The following PLEKHD1 variants were observed in gnomAD, a reference collection of about 807,000 sequenced individuals.
The protein encoded by PLEKHD1 is pleckstrin homology domain-containing family D member 1.
PLEKHD1 carries 51 observed loss-of-function variants against 69.2 expected under a neutral mutation model. The observed-to-expected ratio is 0.74, with a 90% CI of 0.59 to 0.93. The LOEUF (loss-of-function observed/expected upper bound fraction) is 0.93. Ranked by LOEUF, PLEKHD1 falls within the 40% of genes least tolerant of loss-of-function variation. The probability of loss-of-function intolerance (pLI) is 0.00; values close to 1 mark genes in which losing one functional copy is unlikely to be tolerated. For missense variants in PLEKHD1, 584 were observed against 641.0 expected (o/e 0.91, Z 0.96); for synonymous variants, 236 against 244.7 (o/e 0.96, Z 0.33).
chr14:69,474,739 C>T, the PLEKHD1 span, among the ~76,000 whole-genome samples: 25,803 of 152,116 alleles, frequency 0.17, 2,339 homozygotes, highest in South Asian at 0.24. Context: ...TTTGCTCCAC[C>T]GGGTGTGCGG....
At chr14:69,469,803 C>G in the PLEKHD1 span, among the ~76,000 whole-genome samples, 1 of 152,030 alleles carries the variant, frequency 6.6e-6, no homozygotes, top group East Asian at 1.9e-4. Flanking sequence ...CTCACTGCAA[C>G]CTCCGCCTCC....
At chr14:69,469,467 T>C in the PLEKHD1 span, among the ~76,000 whole-genome samples, 1 of 152,042 alleles carries the variant, frequency 6.6e-6, no homozygotes, top group Non-Finnish European at 1.5e-5. Context: ...TGGAGTGAAG[T>C]GGCAAGATCA....
At chr14:69,473,825 A>G in the PLEKHD1 span, among the ~76,000 whole-genome samples, 8 of 152,136 alleles carry the variant, frequency 5.3e-5, no homozygotes, top group African/African-American at 1.9e-4. Context: ...TATGTCTGGA[A>G]TGCTCTTGAG....
At chr14:69,480,408 A>G (rs1882520850), upstream of PLEKHD1, among the ~76,000 whole-genome samples, 1 of 152,224 alleles carries the variant, frequency 6.6e-6, no homozygotes, top group Non-Finnish European at 1.5e-5. Flanking sequence ...CACTTGGCAC[A>G]AGCCTGGAAA....
chr14:69,528,051 C>T, intron 12 of PLEKHD1, 119 bp downstream of exon 12: 4 of 1,494,548 alleles, frequency 2.7e-6, no homozygotes, highest in Non-Finnish European at 3.6e-6. Flanking sequence ...TGAACCTGGC[C>T]CCACCATCCT....
intron 6 of PLEKHD1, among the ~76,000 whole-genome samples, chr14:69,514,062 TGGTTTGTTTA>T (rs1883328615): frequency 1.3e-5 from 2 of 152,158 alleles, no homozygotes; most frequent in African/African-American, 2.4e-5. Flanking sequence ...TTTCTAGATA[TGGTTTGTTTA>T]GGGCATTTAT....
intron 6 of PLEKHD1, among the ~76,000 whole-genome samples, chr14:69,504,988 G>T (rs1441810573): frequency 1.3e-5 from 2 of 152,242 alleles, no homozygotes; most frequent in Non-Finnish European, 2.9e-5. Context: ...TTATCCATCA[G>T]AGAGGCTAAA....
At position 69,500,628 on chromosome 14, in the gene PLEKHD1, A is replaced by C; in HGVS notation, c.295A>C (p.Met99Leu). 6.4e-7 allele frequency: 1 copy of C among 1,551,440 alleles called. No homozygotes were observed. The highest frequency in any genetic ancestry group is 8.7e-7 in the Non-Finnish European group (1 of 1,146,892). ...GGTGGAGCCCAAGGAAGAGCCTAGC[A>C]TGCCCTATGCCATGAAGATCTCCCA... ...CLVEPKEEPS[M>L]PYAMKISHQD... Residue 99 changes from methionine to leucine, a missense_variant, in exon 3 of 13, where the codon ATG (methionine) becomes CTG (leucine). Transcript: ENST00000322564.
intron 7 of PLEKHD1, among the ~76,000 whole-genome samples, chr14:69,523,169 C>T (rs955358989): frequency 3.3e-5 from 5 of 152,290 alleles, no homozygotes; most frequent in African/African-American, 4.8e-5. Flanking sequence ...CTGTCCTCAA[C>T]GATCCTCCCA....
In PLEKHD1 at chr14:69,524,204, C is replaced by T. The variant is rs1454581467; in HGVS notation, c.651-25C>T. On this transcript the variant is annotated intron_variant, in intron 7 of 12. Transcript: ENST00000322564. ...GGGGGGTGGGGAGAGTGGGCACTGCCATACCCAGCCCTCTGTCTCCACAGG... is the reference window on the plus strand; with the variant it reads ...GGGGGGTGGGGAGAGTGGGCACTGCTATACCCAGCCCTCTGTCTCCACAGG... 5 of 1,526,026 alleles carry T rather than the reference C, an allele frequency of 3.3e-6. No homozygotes were observed. The South Asian group carries it at 6.0e-5, about 18-fold the overall frequency. 94.5% of individuals were successfully genotyped at this position (1,526,026 alleles called of 1,614,324 possible). A position where few individuals can be genotyped will look rare whatever the true frequency, so the allele number is the denominator to read the frequency against.
At chr14:69,522,854 G>A (rs1319147991) in intron 7 of PLEKHD1, among the ~76,000 whole-genome samples, 1 of 151,956 alleles carries the variant, frequency 6.6e-6, no homozygotes, top group East Asian at 1.9e-4. Flanking sequence ...ATCTTTTAAA[G>A]GTAGAGCCTA....
chr14:69,484,837 G>C lies in PLEKHD1; in HGVS notation c.-129G>C, dbSNP rs1027452860. ...CAGCGCGCTTTGATGCTGCAGCTCCGGGCCGGGCCGCTCTGCTTCTCTGCT... is the reference window on the plus strand; with the variant it reads ...CAGCGCGCTTTGATGCTGCAGCTCCCGGCCGGGCCGCTCTGCTTCTCTGCT... On this transcript the variant is annotated 5_prime_UTR_variant, in exon 1 of 13. Transcript: ENST00000322564. 77 of 1,148,732 alleles carry C rather than the reference G, an allele frequency of 6.7e-5. No homozygotes were observed. Among genetic ancestry groups the C allele is most frequent in the Non-Finnish European group, 8.4e-5 (70 of 828,458 alleles). The allele number at this position is 1,148,732 out of a possible 1,614,324, so 71.2% of individuals were successfully genotyped here.
chr14:69,471,719 A>G, the PLEKHD1 span, among the ~76,000 whole-genome samples: 1 of 152,006 alleles, frequency 6.6e-6, no homozygotes, highest in Non-Finnish European at 1.5e-5. Flanking sequence ...GGCTCCCCAC[A>G]CTTTCCCATG....
In PLEKHD1 at chr14:69,529,741, T is replaced by C. The variant is rs1189641412; in HGVS notation, c.*1322T>C. The C allele has an allele frequency of 3.3e-5, 5 of 152,146 alleles. No individual in the cohort carries two copies. Among genetic ancestry groups the C allele is most frequent in the African/African-American group, 4.8e-5 (2 of 41,418 alleles). The allele number at this position is 152,146 out of a possible 1,614,324, so 9.4% of individuals were successfully genotyped here. A position where few individuals can be genotyped will look rare whatever the true frequency, so the allele number is the denominator to read the frequency against. ...GCAGAGATTTCAGCCTGTGAAGCAA[T>C]GTGACCATGAACTCTGGCAGCTGGG... On this transcript the variant is annotated 3_prime_UTR_variant, in exon 13 of 13. Coordinates refer to ENST00000322564, the MANE Select transcript of PLEKHD1 (RefSeq NM_001161498.2).
At chr14:69,482,133 A>G (rs1882552097), upstream of PLEKHD1, among the ~76,000 whole-genome samples, 2 of 152,204 alleles carry the variant, frequency 1.3e-5, no homozygotes, top group African/African-American at 4.8e-5. Context: ...TCTGAGGTCT[A>G]TTCATACGTC....
intron 6 of PLEKHD1, among the ~76,000 whole-genome samples, chr14:69,509,677 C>G (rs569811829): frequency 1.7e-4 from 26 of 152,214 alleles, no homozygotes; most frequent in African/African-American, 6.0e-4. Context: ...GTGGCTCATG[C>G]CTGTAATCCC....
chr14:69,489,736 CTG>C (rs1248347931), intron 1 of PLEKHD1, among the ~76,000 whole-genome samples: 3 of 152,146 alleles, frequency 2.0e-5, no homozygotes, highest in Non-Finnish European at 4.4e-5. Flanking sequence ...ATGGGTCAAA[CTG>C]TGTGCCACAA....
chr14:69,495,244 C>A (rs76564131), intron 1 of PLEKHD1, among the ~76,000 whole-genome samples: 3,865 of 152,288 alleles, frequency 0.025, 108 homozygotes, highest in South Asian at 0.14. Context: ...ACTTTACATG[C>A]CTCCATCCAC....
chr14:69,468,717 A>G, the PLEKHD1 span, among the ~76,000 whole-genome samples: 2 of 149,550 alleles, frequency 1.3e-5, no homozygotes, highest in Non-Finnish European at 2.9e-5. Flanking sequence ...AGCAGCCAGG[A>G]CTACAGGTGC....
Sources: allele counts gnomAD v4.1 joint callset (sites outside exome capture counted in the v4.1 genomes callset), GRCh38; gene constraint gnomAD v4.1.1; transcripts MANE v1.5; gene names NCBI Gene and HGNC (gene_info 2026-07-23, HGNC 2026-07-21).